Variants in SMYD3 observed in about 807,000 individuals in gnomAD.
SMYD3 encodes histone-lysine N-methyltransferase SMYD3.
A neutral mutation model predicts 57.7 loss-of-function variants in SMYD3; 36 were observed. The observed-to-expected ratio is 0.62, with a 90% CI of 0.48 to 0.82. The LOEUF (loss-of-function observed/expected upper bound fraction) is 0.82, where lower values mean the gene tolerates loss of function less well. Ranked by LOEUF, SMYD3 falls within the 40% of genes least tolerant of loss-of-function variation. SMYD3 has a pLI of 0.00. For synonymous variants in SMYD3, 211 were observed against 195.0 expected (o/e 1.08, Z -0.68); for missense variants, 515 against 538.8 (o/e 0.96, Z 0.44).
chr1:246,304,465 T>G (rs747503971), intron 5 of SMYD3, among the ~76,000 whole-genome samples: 2 of 152,166 alleles, frequency 1.3e-5, no homozygotes, highest in African/African-American at 4.8e-5. Context: ...CTCTGAACAT[T>G]AGTAAATGAC....
chr1:246,269,541 T>TCC (rs374492847), intron 5 of SMYD3, among the ~76,000 whole-genome samples: 2 of 77,604 alleles, frequency 2.6e-5, no homozygotes, highest in Non-Finnish European at 6.3e-5. Flanking sequence ...TTCTTTTTTT[T>TCC]TCTTTTTTTT....
chr1:246,503,226 G>A (rs1020294059), intron 1 of SMYD3, among the ~76,000 whole-genome samples: 5 of 152,150 alleles, frequency 3.3e-5, no homozygotes, highest in South Asian at 2.1e-4. Flanking sequence ...GGGATGACAC[G>A]TCTACTTCCA....
chr1:245,812,905 G>A (rs1290372413), intron 10 of SMYD3, among the ~76,000 whole-genome samples: 2 of 151,692 alleles, frequency 1.3e-5, no homozygotes, highest in Non-Finnish European at 1.5e-5. Context: ...CTCATCTAGT[G>A]GGCAAGCCGG....
intron 10 of SMYD3, among the ~76,000 whole-genome samples, chr1:245,835,860 T>C (rs1388608244): frequency 6.6e-6 from 1 of 152,232 alleles, no homozygotes; most frequent in East Asian, 1.9e-4. Flanking sequence ...GACATTATCA[T>C]GGCTGGTCTT....
chr1:246,492,166 T>C (rs953926383), intron 1 of SMYD3, among the ~76,000 whole-genome samples: 2 of 152,192 alleles, frequency 1.3e-5, no homozygotes, highest in African/African-American at 4.8e-5. Context: ...TTAAAATCTA[T>C]ATTTTTATTT....
intron 5 of SMYD3, among the ~76,000 whole-genome samples, chr1:246,287,973 G>A (rs746706919): frequency 9.9e-5 from 15 of 151,776 alleles, no homozygotes; most frequent in Non-Finnish European, 2.1e-4. Context: ...AACGTTACAC[G>A]GCCTGGGGCC....
At chr1:246,237,242 A>G (rs1301369487) in intron 5 of SMYD3, among the ~76,000 whole-genome samples, 6 of 152,138 alleles carry the variant, frequency 3.9e-5, no homozygotes, top group Non-Finnish European at 8.8e-5. Flanking sequence ...CAGTCTATCA[A>G]AAAAACTATG....
rs191293333 is a variant in SMYD3 at position 245,957,867 on chromosome 1, C to T, written c.532-27930G>A. Among the ~76,000 whole-genome samples the T allele has an allele frequency of 6.6e-5, 10 of 152,248 alleles. No homozygotes were observed. The East Asian group carries it at 1.9e-3, about 29-fold the overall frequency. On this transcript the variant is annotated intron_variant, in intron 5 of 11. Coordinates refer to ENST00000490107, the MANE Select transcript of SMYD3 (RefSeq NM_001167740.2). ...AGCCATAAAAAGTAATAAGGGAAAC[C>T]TTTACTTTGGGCTTACCTTCACTCC... is the stretch of plus-strand genomic sequence containing the variant.
At chr1:246,506,470 TTCTC>T (rs2068539806) in intron 1 of SMYD3, among the ~76,000 whole-genome samples, 1 of 152,136 alleles carries the variant, frequency 6.6e-6, no homozygotes, top group Non-Finnish European at 1.5e-5. Context: ...TACACTGTAA[TTCTC>T]TCTCTCACTT....
chr1:246,060,669 G>A (rs2060236206), intron 5 of SMYD3, among the ~76,000 whole-genome samples: 1 of 152,094 alleles, frequency 6.6e-6, no homozygotes, highest in African/African-American at 2.4e-5. Context: ...GTTTTCAGCT[G>A]TTTTTTCTTC....
chr1:246,397,792 G>A (rs2066696983), intron 1 of SMYD3, among the ~76,000 whole-genome samples: 1 of 152,102 alleles, frequency 6.6e-6, no homozygotes, highest in African/African-American at 2.4e-5. Flanking sequence ...TAATTCAGCA[G>A]GCAGGGGGAC....
chr1:245,807,452 T>C (rs1054921307), intron 10 of SMYD3, among the ~76,000 whole-genome samples: 1 of 152,192 alleles, frequency 6.6e-6, no homozygotes, highest in East Asian at 1.9e-4. Context: ...TCCGGTCCAA[T>C]GTTGACACCT....
chr1:246,305,824 A>G lies in SMYD3; in HGVS notation c.531+21377T>C, dbSNP rs10924683. ...CATTATCTTATCTTAATAAATGAGT[A>G]TGATATTTAACAGCCCAACTCTCCT... On this transcript the variant is annotated intron_variant, in intron 5 of 11. Coordinates refer to ENST00000490107, the MANE Select transcript of SMYD3 (RefSeq NM_001167740.2). 178 of 152,360 alleles carry G rather than the reference A, an allele frequency of 1.2e-3. 2 individuals carry two copies. Among genetic ancestry groups the G allele is most frequent in the African/African-American group, 4.0e-3 (168 of 41,592 alleles). 9.4% of individuals were successfully genotyped at this position (152,360 alleles called of 1,614,324 possible). A position where few individuals can be genotyped will look rare whatever the true frequency, so the allele number is the denominator to read the frequency against.
At chr1:245,995,327 C>T (rs567298037) in intron 5 of SMYD3, among the ~76,000 whole-genome samples, 5 of 152,278 alleles carry the variant, frequency 3.3e-5, no homozygotes, top group African/African-American at 7.2e-5. Context: ...CCCTGAATTC[C>T]GCATTAATTC....
At chr1:246,112,860 CA>C (rs1244317716) in intron 5 of SMYD3, among the ~76,000 whole-genome samples, 1 of 151,992 alleles carries the variant, frequency 6.6e-6, no homozygotes, top group Non-Finnish European at 1.5e-5. Flanking sequence ...TAATGAAGAC[CA>C]AATTTTTAGA....
At chr1:246,352,503 A>G (rs1036020406) in intron 2 of SMYD3, among the ~76,000 whole-genome samples, 1 of 152,246 alleles carries the variant, frequency 6.6e-6, no homozygotes, top group African/African-American at 2.4e-5. Context: ...AGGTTGAGAT[A>G]AACACAGCAG....
intron 5 of SMYD3, among the ~76,000 whole-genome samples, chr1:246,163,496 C>T (rs1358642259): frequency 6.6e-6 from 1 of 152,174 alleles, no homozygotes; most frequent in Non-Finnish European, 1.5e-5. Flanking sequence ...CAAATAAAGG[C>T]AATCAGGACT....
chr1:246,005,050 T>C (rs1454215193), intron 5 of SMYD3, among the ~76,000 whole-genome samples: 1 of 152,178 alleles, frequency 6.6e-6, no homozygotes, highest in Non-Finnish European at 1.5e-5. Flanking sequence ...AGTTTCTCCA[T>C]GTTGCCCATG....
chr1:246,369,132 C>T (rs1477923425), intron 1 of SMYD3, among the ~76,000 whole-genome samples: 1 of 152,038 alleles, frequency 6.6e-6, no homozygotes, highest in Non-Finnish European at 1.5e-5. Context: ...TTAAATGAAA[C>T]TTAAAAACTT....
Sources: gnomAD v4.1 joint callset for allele counts (sites outside exome capture counted in the v4.1 genomes callset) on GRCh38, gnomAD v4.1.1 for gene constraint, MANE v1.5 for transcripts, NCBI Gene and HGNC (gene_info 2026-07-23, HGNC 2026-07-21) for gene names.